ATXN1: variants seen among roughly 807,000 people sequenced by gnomAD.
ATXN1 encodes the protein ataxin-1.
A neutral mutation model predicts 56.4 loss-of-function variants in ATXN1; 8 were observed. The ratio of observed to expected loss-of-function variants is 0.14; its 90% confidence interval spans 0.08 to 0.26. The LOEUF (loss-of-function observed/expected upper bound fraction) is 0.26, where lower values mean the gene tolerates loss of function less well. ATXN1 is among the 10% of genes least tolerant of loss of function. The pLI is 1.00. For synonymous variants in ATXN1, 514 were observed against 494.6 expected (o/e 1.04, Z -0.52); for missense variants, 987 against 1,106.5 (o/e 0.89, Z 1.53).
chr6:16,544,247 G>A (rs183675899), intron 4 of ATXN1, among the ~76,000 whole-genome samples: 43 of 152,314 alleles, frequency 2.8e-4, no homozygotes, highest in South Asian at 4.2e-4. Context: ...ATGTGACAAC[G>A]GCCTTCCTTG....
chr6:16,590,796 G>A (rs1041044671), intron 3 of ATXN1, among the ~76,000 whole-genome samples: 1 of 151,104 alleles, frequency 6.6e-6, no homozygotes, highest in Non-Finnish European at 1.5e-5. Flanking sequence ...CAGCCTCCTG[G>A]GTAGCTGGGA....
rs925997386 is a variant in ATXN1, at chr6:16,628,991, T to C, written c.-489+28785A>G. Among the ~76,000 whole-genome samples, 6 of 152,200 alleles carry C rather than the reference T, an allele frequency of 3.9e-5. No individual in the cohort carries two copies. In the South Asian group the frequency reaches 6.2e-4, roughly 16 times the overall value. On this transcript the variant is annotated intron_variant, in intron 3 of 7. Transcript: ENST00000436367. ...ATTCCTCTGGGTAGATACCCAGTAA[T>C]GGGATTGCTGGGTCGAATGGTAGTT...
intron 6 of ATXN1, among the ~76,000 whole-genome samples, chr6:16,463,305 C>T (rs1275500918): frequency 2.6e-5 from 4 of 152,220 alleles, no homozygotes; most frequent in Admixed American, 6.5e-5. Flanking sequence ...GTACCTTAGT[C>T]TTCCTAAGTC....
rs543193964 is a variant in ATXN1 at position 16,701,584 on chromosome 6, C to A, written c.-614-43683G>T. 1.3e-4 allele frequency among the ~76,000 whole-genome samples: 20 copies of A among 152,242 alleles called. No homozygotes were observed. The South Asian group carries it at 4.2e-3, about 32-fold the overall frequency. On this transcript the variant is annotated intron_variant, in intron 2 of 7. Transcript: ENST00000436367. ...ATGACATGATCATATATCTAGAAAACCCCATTGTCTCAGCCCAAATCTCCT... is the reference window on the plus strand; with the variant it reads ...ATGACATGATCATATATCTAGAAAAACCCATTGTCTCAGCCCAAATCTCCT...
chr6:16,365,333 C>T lies in ATXN1; in HGVS notation c.-160-36863G>A, dbSNP rs915955309. On this transcript the variant is annotated intron_variant, in intron 6 of 7. Transcript: ENST00000436367. Reference sequence around the variant, plus strand: ...CTGGGACTGCAGGCACGCATCACCACGCCTGCCTAACTTTTTGTATTTTTA... The same window carrying T: ...CTGGGACTGCAGGCACGCATCACCATGCCTGCCTAACTTTTTGTATTTTTA... Among the ~76,000 whole-genome samples the T allele has an allele frequency of 6.6e-5, 10 of 152,234 alleles. No homozygotes were observed. The South Asian group carries it at 8.3e-4, about 13-fold the overall frequency.
chr6:16,673,367 G>A (rs7739556), intron 2 of ATXN1, among the ~76,000 whole-genome samples: 46,523 of 152,036 alleles, frequency 0.31, 8,250 homozygotes, highest in African/African-American at 0.48. Context: ...GGCACAAATG[G>A]GATATGGCCC....
At chr6:16,586,714 G>C (rs1762632200) in intron 3 of ATXN1, among the ~76,000 whole-genome samples, 2 of 152,160 alleles carry the variant, frequency 1.3e-5, no homozygotes, top group Non-Finnish European at 2.9e-5. Context: ...CAACACTTCT[G>C]TAGTTAGTAT....
chr6:16,399,736 G>A (rs369477837), intron 6 of ATXN1, among the ~76,000 whole-genome samples: 1 of 152,122 alleles, frequency 6.6e-6, no homozygotes, highest in Non-Finnish European at 1.5e-5. Flanking sequence ...TAGAGGCCAG[G>A]AATGCTGCTA....
At chr6:16,606,614 C>T (rs998869238) in intron 3 of ATXN1, among the ~76,000 whole-genome samples, 7 of 151,048 alleles carry the variant, frequency 4.6e-5, no homozygotes, top group East Asian at 3.9e-4. Context: ...CTGTGACCTC[C>T]GACTCCTGGG....
chr6:16,483,431 G>A (rs1035757494), intron 6 of ATXN1, among the ~76,000 whole-genome samples: 1 of 152,158 alleles, frequency 6.6e-6, no homozygotes, highest in African/African-American at 2.4e-5. Context: ...GGGGCATGCA[G>A]GACACTAAAC....
At chr6:16,523,211 T>C (rs918032873) in intron 4 of ATXN1, among the ~76,000 whole-genome samples, 1 of 152,196 alleles carries the variant, frequency 6.6e-6, no homozygotes, top group Non-Finnish European at 1.5e-5. Context: ...CGTGTTTTAT[T>C]TTTTTGAGAT....
At chr6:16,367,508 C>A (rs1761948453) in intron 6 of ATXN1, among the ~76,000 whole-genome samples, 1 of 152,036 alleles carries the variant, frequency 6.6e-6, no homozygotes, top group Non-Finnish European at 1.5e-5. Flanking sequence ...TTGTACACAC[C>A]CAGCACACAT....
chr6:16,483,048 C>T (rs1198404726), intron 6 of ATXN1, among the ~76,000 whole-genome samples: 1 of 152,146 alleles, frequency 6.6e-6, no homozygotes, highest in African/African-American at 2.4e-5. Context: ...GGTTATATGG[C>T]TAACAACAGC....
chr6:16,420,418 G>A (rs1487983192), intron 6 of ATXN1, among the ~76,000 whole-genome samples: 2 of 152,188 alleles, frequency 1.3e-5, no homozygotes, highest in Non-Finnish European at 2.9e-5. Flanking sequence ...AAACATTTGC[G>A]TGTTTTTATT....
intron 2 of ATXN1, among the ~76,000 whole-genome samples, chr6:16,746,804 T>C (rs1172492939): frequency 6.6e-6 from 1 of 151,842 alleles, no homozygotes; most frequent in African/African-American, 2.4e-5. Flanking sequence ...CAACAGCAAA[T>C]GATGTTTGAC....
intron 2 of ATXN1, among the ~76,000 whole-genome samples, chr6:16,722,388 T>G (rs1338504918): frequency 6.6e-6 from 1 of 152,252 alleles, no homozygotes; most frequent in Admixed American, 6.5e-5. Flanking sequence ...CAACTCAAAA[T>G]GCATTTACAT....
intron 2 of ATXN1, among the ~76,000 whole-genome samples, chr6:16,697,586 T>A (rs896261231): frequency 6.6e-6 from 1 of 151,894 alleles, no homozygotes; most frequent in Non-Finnish European, 1.5e-5. Flanking sequence ...TTCCCCATAG[T>A]TCCACCCGCC....
chr6:16,724,111 A>G (rs938677340), intron 2 of ATXN1, among the ~76,000 whole-genome samples: 16 of 152,248 alleles, frequency 1.1e-4, no homozygotes, highest in African/African-American at 3.4e-4. Context: ...AGCTCTCCCA[A>G]CTGATTGGTG....
At chr6:16,546,660 A>G (rs1761819929) in intron 4 of ATXN1, among the ~76,000 whole-genome samples, 1 of 152,200 alleles carries the variant, frequency 6.6e-6, no homozygotes, top group Non-Finnish European at 1.5e-5. Context: ...ATTACTTCTG[A>G]CATACTTATA....
Sources: gnomAD v4.1 joint callset for allele counts (sites outside exome capture counted in the v4.1 genomes callset) on GRCh38, gnomAD v4.1.1 for gene constraint, MANE v1.5 for transcripts, NCBI Gene and HGNC (gene_info 2026-07-23, HGNC 2026-07-21) for gene names.